WWC2: variants seen among roughly 807,000 people sequenced by gnomAD.
The protein encoded by WWC2 is protein WWC2.
In WWC2, 101 loss-of-function variants were observed where a neutral mutation model predicts 138.5. That is an observed-to-expected ratio of 0.73 (90% CI 0.62 to 0.86). The LOEUF (loss-of-function observed/expected upper bound fraction) is 0.86, where lower values mean the gene tolerates loss of function less well. Among genes scored for constraint, WWC2 ranks in the 40% least tolerant of loss-of-function variants. The probability of loss-of-function intolerance (pLI) is 0.00; values close to 1 mark genes in which losing one functional copy is unlikely to be tolerated. For synonymous variants in WWC2, 558 were observed against 538.4 expected (o/e 1.04, Z -0.50); for missense variants, 1,420 against 1,419.4 (o/e 1.00, Z -0.01).
chr4:183,151,492 C>T (rs1323999428), intron 1 of WWC2, among the ~76,000 whole-genome samples: 1 of 152,182 alleles, frequency 6.6e-6, no homozygotes, highest in African/African-American at 2.4e-5. Context: ...TGTAGGTTGC[C>T]TGTTCACTCT....
chr4:183,172,486 G>A (rs1208125650), intron 1 of WWC2, among the ~76,000 whole-genome samples: 1 of 151,450 alleles, frequency 6.6e-6, no homozygotes, highest in Admixed American at 6.6e-5. Context: ...GTAAAAATTC[G>A]ATGGTACTGC....
chr4:183,227,037 A>G (rs1303584334), intron 4 of WWC2, among the ~76,000 whole-genome samples: 2 of 151,910 alleles, frequency 1.3e-5, no homozygotes, highest in East Asian at 1.9e-4. Context: ...TCAAGTGGGG[A>G]CTCAGACAGT....
chr4:183,293,521 T>A (rs1738529982), intron 21 of WWC2, among the ~76,000 whole-genome samples: 1 of 152,178 alleles, frequency 6.6e-6, no homozygotes, highest in Admixed American at 6.5e-5. Flanking sequence ...TGATCATAAA[T>A]AGGTAAACAT....
intron 4 of WWC2, among the ~76,000 whole-genome samples, chr4:183,239,230 G>T (rs932158649): frequency 2.6e-5 from 4 of 151,924 alleles, no homozygotes; most frequent in African/African-American, 4.8e-5. Flanking sequence ...CATGAGAATC[G>T]CTTGAACCCG....
chr4:183,244,388 CTG>C (rs1350074755), intron 5 of WWC2, among the ~76,000 whole-genome samples: 1 of 152,142 alleles, frequency 6.6e-6, no homozygotes, highest in African/African-American at 2.4e-5. Context: ...ACGATGTAAA[CTG>C]CAAGGACACT....
chr4:183,100,659 C>G (rs1425199760), intron 1 of WWC2, among the ~76,000 whole-genome samples: 1 of 152,266 alleles, frequency 6.6e-6, no homozygotes, highest in African/African-American at 2.4e-5. Flanking sequence ...TTTCCCTTTT[C>G]TCAATTTGAA....
At chr4:183,198,467 A>G (rs1735206170) in intron 2 of WWC2, among the ~76,000 whole-genome samples, 2 of 152,062 alleles carry the variant, frequency 1.3e-5, no homozygotes, top group African/African-American at 2.4e-5. Context: ...ATCTGACCTC[A>G]AGGAATCTCC....
At chr4:183,262,876 G>C (rs751853027) in intron 11 of WWC2, among the ~76,000 whole-genome samples, 5 of 152,142 alleles carry the variant, frequency 3.3e-5, no homozygotes, top group Non-Finnish European at 7.3e-5. Context: ...ACGTGTTTGG[G>C]TAAGCACACT....
intron 21 of WWC2, among the ~76,000 whole-genome samples, chr4:183,300,694 TA>T: frequency 6.6e-6 from 1 of 151,512 alleles, no homozygotes; most frequent in African/African-American, 2.4e-5. Context: ...CAGTCTTCAG[TA>T]AAGTATATTC....
At chr4:183,266,753 TGCAAG>T (rs1239804837) in intron 14 of WWC2, among the ~76,000 whole-genome samples, 4 of 152,240 alleles carry the variant, frequency 2.6e-5, no homozygotes, top group African/African-American at 9.6e-5. Flanking sequence ...GAATATGCAG[TGCAAG>T]GCTTTGGAAA....
chr4:183,177,663 A>G (rs967028566), intron 1 of WWC2, among the ~76,000 whole-genome samples: 6 of 152,188 alleles, frequency 3.9e-5, no homozygotes, highest in Non-Finnish European at 8.8e-5. Context: ...ATGTTAGAAA[A>G]AAAAAGAGTA....
chr4:183,129,188 T>G (rs1323386964), intron 1 of WWC2, among the ~76,000 whole-genome samples: 1 of 152,222 alleles, frequency 6.6e-6, no homozygotes, highest in Non-Finnish European at 1.5e-5. Flanking sequence ...AGCTAACGGC[T>G]TAAAGAATGG....
intron 19 of WWC2, 128 bp from the exon 20 acceptor site, chr4:183,285,839 G>C: frequency 2.6e-6 from 2 of 780,360 alleles, no homozygotes; most frequent in South Asian, 3.6e-5. Context: ...TGTTTGAGGG[G>C]ATTTTCTTAA....
intron 1 of WWC2, among the ~76,000 whole-genome samples, chr4:183,157,883 A>G (rs1238394690): frequency 6.6e-6 from 1 of 151,852 alleles, no homozygotes; most frequent in South Asian, 2.1e-4. Context: ...TTTTCAAAGA[A>G]GGTCTCCTTT....
At chr4:183,109,710 A>G (rs11940248) in intron 1 of WWC2, among the ~76,000 whole-genome samples, 5,579 of 152,318 alleles carry the variant, frequency 0.037, 136 homozygotes, top group Non-Finnish European at 0.05. Context: ...CTAACAGGCC[A>G]TTGACCGGTA....
intron 16 of WWC2, among the ~76,000 whole-genome samples, chr4:183,278,596 C>A (rs1206298707): frequency 1.3e-5 from 2 of 151,818 alleles, no homozygotes; most frequent in East Asian, 3.9e-4. Flanking sequence ...GATATTGATT[C>A]TTCCTACCCA....
chr4:183,265,839 ACTT>A lies in WWC2; in HGVS notation c.2121-24_2121-22del, dbSNP rs1737485613. The A allele has an allele frequency of 4.3e-6, 7 of 1,610,644 alleles. No individual in the cohort carries two copies. In the East Asian group the frequency reaches 1.6e-4, roughly 36 times the overall value. On this transcript the variant is annotated intron_variant, in intron 13 of 22. Coordinates refer to ENST00000403733, the MANE Select transcript of WWC2 (RefSeq NM_024949.6). ...GGCAAGTGGCCTGTGGTGATTCCTG[ACTT>A]CATTTAGCCTCTCTTTTGACAGATA...
At chr4:183,298,631 T>C (rs370092721) in intron 21 of WWC2, among the ~76,000 whole-genome samples, 16 of 152,292 alleles carry the variant, frequency 1.1e-4, no homozygotes, top group East Asian at 3.9e-4. Context: ...TAAAATACCA[T>C]AAAAGTATCC....
intron 1 of WWC2, among the ~76,000 whole-genome samples, chr4:183,153,631 G>A (rs901980661): frequency 6.7e-6 from 1 of 149,814 alleles, no homozygotes; most frequent in Non-Finnish European, 1.5e-5. Flanking sequence ...AAACATTATT[G>A]CCCTAGAAGT....
Sources: allele counts gnomAD v4.1 joint callset (sites outside exome capture counted in the v4.1 genomes callset), GRCh38; gene constraint gnomAD v4.1.1; transcripts MANE v1.5; gene names NCBI Gene and HGNC (gene_info 2026-07-23, HGNC 2026-07-21).